The following ZNF7 variants were observed in gnomAD, a reference collection of about 807,000 sequenced individuals.
ZNF7 encodes zinc finger protein 7.
A neutral mutation model predicts 12.0 loss-of-function variants in ZNF7; 10 were observed. The ratio of observed to expected loss-of-function variants is 0.83; its 90% CI spans 0.51 to 1.42. The LOEUF is 1.42. ZNF7 is among the 40% of genes most tolerant of loss of function. The pLI, the probability that ZNF7 is intolerant of heterozygous loss-of-function variation, is 0.00. For missense variants in ZNF7, 854 were observed against 837.2 expected (o/e 1.02, Z -0.25); for synonymous variants, 334 against 295.0 (o/e 1.13, Z -1.35).
intron 3 of ZNF7, among the ~76,000 whole-genome samples, chr8:144,833,221 T>G (rs1196919609): frequency 1.4e-5 from 2 of 147,814 alleles, no homozygotes; most frequent in Non-Finnish European, 1.5e-5. Context: ...AAAAAGACTA[T>G]CTCCTTTTCC....
rs769607782 is a variant in ZNF7 at position 144,837,478 on chromosome 8, G to A, written c.218G>A (p.Gly73Glu). 1.9e-6 allele frequency: 3 copies of A among 1,611,316 alleles called. No individual in the cohort carries two copies. Among genetic ancestry groups the A allele is most frequent in the East Asian group, 2.2e-5 (1 of 44,838 alleles). ...GTCCTCGACCTGCAGGGAGCAGAGG[G>A]GACAGAGGCACCAAGGACCTCCAAG... ...PWVLDLQGAE[G>E]TEAPRTSKTD... Residue 73 changes from glycine (G) to glutamate (E), a missense_variant, in exon 4 of 5, where the codon GGG becomes GAG. By Grantham distance (98) the Gly-to-Glu change is moderately conservative. Transcript: ENST00000532777.
At chr8:144,844,999 A>G (rs753514614), downstream of ZNF7, among the ~76,000 whole-genome samples, 2 of 152,138 alleles carry the variant, frequency 1.3e-5, no homozygotes, top group Non-Finnish European at 2.9e-5. Flanking sequence ...AGCAGACCAC[A>G]GGGTGAAAGG....
chr8:144,840,561 G>A (rs967415716), intron 4 of ZNF7, among the ~76,000 whole-genome samples: 2 of 152,230 alleles, frequency 1.3e-5, no homozygotes, highest in African/African-American at 4.8e-5. Context: ...CAGACATCAA[G>A]GAGATGTCTG....
At chr8:144,828,631 G>A (rs1334147998) in intron 1 of ZNF7, 1 of 201,504 alleles carries the variant, frequency 5.0e-6, no homozygotes, top group Non-Finnish European at 1.0e-5. Context: ...TACACTGAAC[G>A]TTCTAGTCTA....
chr8:144,842,736 T>C lies in ZNF7; in HGVS notation c.1629T>C (p.His543=), dbSNP rs1368429416. The C allele has an allele frequency of 1.2e-6, 2 of 1,614,034 alleles. No homozygotes were observed. The highest frequency in any genetic ancestry group is 2.2e-5 in the South Asian group (2 of 91,070). The change falls in exon 5 of 5, where the codon CAT becomes CAC. Residue 543 remains histidine (H), a synonymous_variant. Transcript: ENST00000532777. The part of the protein sequence containing the change: ...AFSMSTQLTI[H]QRVHTGERPY... ...GTATGAGCACACAGCTTACAATACA[T>C]CAAAGGGTTCACACTGGAGAGAGGC...
At position 144,842,935 on chromosome 8, in the gene ZNF7, T is replaced by C; in HGVS notation, c.1828T>C (p.Tyr610His). ...QRIHTRAQWF[Y>H]EYGNALEGST... The stretch of plus-strand genomic sequence containing the variant: ...AATACACACTAGGGCCCAGTGGTTT[T>C]ACGAATATGGGAATGCCCTGGAAGG... The change falls in exon 5 of 5, where the codon TAC becomes CAC. Residue 610 changes from tyrosine (Y) to histidine (H), a missense_variant. Coordinates refer to ENST00000532777, the MANE Select transcript of ZNF7 (RefSeq NM_003416.4). 2.5e-6 allele frequency: 4 copies of C among 1,614,192 alleles called. No homozygotes were observed. The highest frequency in any genetic ancestry group is 3.4e-6 in the Non-Finnish European group (4 of 1,180,026).
chr8:144,838,962 A>T (rs1829464827), intron 4 of ZNF7: 6 of 145,952 alleles, frequency 4.1e-5, no homozygotes, highest in African/African-American at 7.5e-5. Context: ...AAAAAAAAAA[A>T]GCAGGGGCTG....
At position 144,828,575 on chromosome 8, in the gene ZNF7, C is replaced by G. The variant is rs527895946; in HGVS notation, c.-45-468C>G. ...CTATTCCTGCTGCCTGGAGTGCTCT[C>G]TCCACCTCCATTACCTTGGCCGAGG... On this transcript the variant is annotated intron_variant, in intron 1 of 4. Transcript: ENST00000532777. Among the ~76,000 whole-genome samples the G allele has an allele frequency of 1.4e-4, 21 of 152,334 alleles. 1 individual carries two copies. The South Asian group carries it at 1.7e-3, about 12-fold the overall frequency.
Position 144,843,438 on chromosome 8 carries a change from T to C in ZNF7, c.*270T>C, listed in dbSNP as rs551460076. The C allele has an allele frequency of 1.5e-5, 4 of 275,424 alleles. No homozygotes were observed. The highest frequency in any genetic ancestry group is 4.4e-5 in the African/African-American group (2 of 45,000). 17.1% of individuals were successfully genotyped at this position (275,424 alleles called of 1,614,324 possible). On this transcript the variant is annotated 3_prime_UTR_variant, in exon 5 of 5. Coordinates refer to ENST00000532777, the MANE Select transcript of ZNF7 (RefSeq NM_003416.4). Reference sequence around the variant, plus strand: ...CCCATCTCTACTAAAAATACAAAAATTTAGCTGGGCGTGGTGGCAGGCACC... The same window carrying C: ...CCCATCTCTACTAAAAATACAAAAACTTAGCTGGGCGTGGTGGCAGGCACC...
At chr8:144,829,003 C>T in intron 1 of ZNF7, 40 bp from the exon 2 acceptor site, 1 of 1,603,440 alleles carries the variant, frequency 6.2e-7, no homozygotes, top group African/African-American at 1.3e-5. Flanking sequence ...AGTTGGGCTT[C>T]TGGCACCTTG....
chr8:144,837,401 G>T lies in ZNF7; in HGVS notation c.141G>T (p.Leu47=), dbSNP rs752653917. The T allele has an allele frequency of 1.2e-6, 2 of 1,609,046 alleles. No individual in the cohort carries two copies. The highest frequency in any genetic ancestry group is 3.3e-5 in the Admixed American group (2 of 59,844). The change falls in exon 4 of 5, where the codon CTG becomes CTT. Residue 47 remains leucine, a synonymous_variant. Coordinates refer to ENST00000532777, the MANE Select transcript of ZNF7 (RefSeq NM_003416.4). Reference sequence around the variant, plus strand: ...CTGCCGCACACACAGCAGGATTCCTGGTTTTCAAGCCTGAGCTGATCTCTC... The same window carrying T: ...CTGCCGCACACACAGCAGGATTCCTTGTTTTCAAGCCTGAGCTGATCTCTC... The part of the protein sequence containing the change: ...HSSVAGLAGF[L]VFKPELISRL...
At chr8:144,846,196 C>G (rs945614725), downstream of ZNF7, 2 of 1,535,114 alleles carry the variant, frequency 1.3e-6, no homozygotes, top group African/African-American at 2.7e-5. Context: ...AGATTCTGTG[C>G]TAACCATAAT....
rs76801632 is a variant in ZNF7, at chr8:144,840,802, G to A, written c.248-553G>A. Among the ~76,000 whole-genome samples the A allele has an allele frequency of 9.3e-3, 1,415 of 152,240 alleles. 19 individuals are homozygous for A. The highest frequency in any genetic ancestry group is 0.032 in the African/African-American group (1,349 of 41,524). On this transcript the variant is annotated intron_variant, in intron 4 of 4. Coordinates refer to ENST00000532777, the MANE Select transcript of ZNF7 (RefSeq NM_003416.4). ...GCAGCAGCCAGGAGGCAGCTGAGGG[G>A]GCTGGGTCCTGCTCAGAGAAGCCCA... is the stretch of plus-strand genomic sequence containing the variant.
In ZNF7 at chr8:144,837,519, A is replaced by T. The variant is rs766463156; in HGVS notation, c.247+12A>T. On this transcript the variant is annotated intron_variant, in intron 4 of 4. Transcript: ENST00000532777. ...GACCTCCAAGACAGGTGAGGCTTAG[A>T]TCCCATCGCAGAGAAGCCCTGGGGT... 2.0e-5 allele frequency: 31 copies of T among 1,586,150 alleles called. No homozygotes were observed. In the Admixed American group the frequency reaches 5.3e-4, roughly 27 times the overall value.
At chr8:144,839,375 C>T (rs1353452195) in intron 4 of ZNF7, among the ~76,000 whole-genome samples, 1 of 152,258 alleles carries the variant, frequency 6.6e-6, no homozygotes, top group Non-Finnish European at 1.5e-5. Context: ...GCTCTGCTGG[C>T]TACTCCCATG....
At chr8:144,837,052 C>CG (rs1167476201) in intron 3 of ZNF7, 1 of 197,548 alleles carries the variant, frequency 5.1e-6, no homozygotes, top group Non-Finnish European at 1.0e-5. Context: ...GGGACAGGCC[C>CG]GGTTCTGCTA....
At chr8:144,832,503 C>T (rs1828555369) in intron 3 of ZNF7, among the ~76,000 whole-genome samples, 1 of 151,622 alleles carries the variant, frequency 6.6e-6, no homozygotes, top group Non-Finnish European at 1.5e-5. Context: ...CCGAGGCGGG[C>T]AGATCACCTG....
chr8:144,845,080 C>T (rs1463308892), downstream of ZNF7, among the ~76,000 whole-genome samples: 1 of 152,150 alleles, frequency 6.6e-6, no homozygotes, highest in Admixed American at 6.5e-5. Flanking sequence ...CAGGGGAGGC[C>T]ACACAGGTCT....
chr8:144,829,208 C>G, intron 2 of ZNF7, 118 bp downstream of exon 2: 2 of 1,574,286 alleles, frequency 1.3e-6, no homozygotes, highest in Non-Finnish European at 1.7e-6. Context: ...AGGAAGGCCC[C>G]CTTGCCCCCA....
Sources: allele counts gnomAD v4.1 joint callset (sites outside exome capture counted in the v4.1 genomes callset), GRCh38; gene constraint gnomAD v4.1.1; transcripts MANE v1.5; gene names NCBI Gene and HGNC (gene_info 2026-07-23, HGNC 2026-07-21).